Variants in USH2A observed in about 807,000 individuals in gnomAD.
USH2A encodes Usher syndrome 2A (autosomal recessive, mild).
In USH2A, 443 loss-of-function variants were observed where a neutral mutation model predicts 538.9. The observed-to-expected ratio is 0.82, with a 90% CI of 0.76 to 0.89. USH2A has a LOEUF of 0.89. USH2A is among the 40% of genes least tolerant of loss of function. The pLI is 0.00. For synonymous variants in USH2A, 2,413 were observed against 2,273.5 expected, an observed-to-expected ratio of 1.06 and a Z score of -1.75; for missense variants, 6,633 against 6,324.8, an observed-to-expected ratio of 1.05 and a Z score of -1.65.
At chr1:215,842,729 A>C (rs1663716941) in intron 46 of USH2A, among the ~76,000 whole-genome samples, 2 of 152,070 alleles carry the variant, frequency 1.3e-5, no homozygotes, top group South Asian at 4.2e-4. Context: ...CAAACATCAC[A>C]TGTTCTCACT....
intron 4 of USH2A, among the ~76,000 whole-genome samples, chr1:216,347,997 C>A (rs2038212279): frequency 6.6e-6 from 1 of 152,054 alleles, no homozygotes; most frequent in Non-Finnish European, 1.5e-5. Context: ...CTGAAGTAAT[C>A]TTTTAAAACT....
rs948035162 is a variant in USH2A at position 216,364,992 on chromosome 1, A to G, written c.745T>C (p.Phe249Leu). 1.9e-6 allele frequency: 3 copies of G among 1,613,646 alleles called. No individual in the cohort carries two copies. Among genetic ancestry groups the G allele is most frequent in the African/African-American group, 1.3e-5 (1 of 74,928 alleles). Residue 249 changes from phenylalanine (F) to leucine (L), a missense_variant, in exon 4 of 72, where the codon TTT (phenylalanine) becomes CTT (leucine). Phe to Leu is a conservative substitution (Grantham distance 22, BLOSUM62 0). Transcript: ENST00000307340. ...CCTATTTGCACAGTACCAGATGCAA[A>G]ATCTGTAATTGAACCACTTAGAGTT... ...ARTLSGSITDFASGTVQIGQS... is the reference protein window; with the variant it reads ...ARTLSGSITDLASGTVQIGQS...
intron 21 of USH2A, among the ~76,000 whole-genome samples, chr1:216,109,454 A>G (rs893869403): frequency 6.6e-6 from 1 of 152,178 alleles, no homozygotes; most frequent in Non-Finnish European, 1.5e-5. Flanking sequence ...TCTTCCTAAA[A>G]TTCAATTCAG....
chr1:216,240,735 G>C (rs570417224), intron 13 of USH2A, among the ~76,000 whole-genome samples: 98 of 152,110 alleles, frequency 6.4e-4, no homozygotes, highest in African/African-American at 2.3e-3. Context: ...TTCTTTTTCA[G>C]AAGCTACTAG....
intron 36 of USH2A, among the ~76,000 whole-genome samples, chr1:215,967,025 A>G (rs1464719074): frequency 6.6e-6 from 1 of 152,050 alleles, no homozygotes; most frequent in Non-Finnish European, 1.5e-5. Context: ...TTGTTTATCT[A>G]CCTTGCTGTA....
chr1:216,066,877 T>C (rs577256830), intron 30 of USH2A, among the ~76,000 whole-genome samples: 11 of 152,210 alleles, frequency 7.2e-5, no homozygotes, highest in Non-Finnish European at 1.6e-4. Context: ...GGAAGGTATA[T>C]AGCAGAGATT....
intron 37 of USH2A, among the ~76,000 whole-genome samples, chr1:215,943,510 A>G (rs1666687875): frequency 6.6e-6 from 1 of 152,132 alleles, no homozygotes; most frequent in Admixed American, 6.6e-5. Context: ...TAGAAACATA[A>G]CTTAATTTTC....
chr1:215,640,536 G>A (rs746779824), intron 68 of USH2A, 22 bp downstream of exon 68: 66 of 1,613,078 alleles, frequency 4.1e-5, no homozygotes, highest in Non-Finnish European at 5.4e-5. Flanking sequence ...TCCACACTGA[G>A]AAACAGGAGT....
At chr1:215,807,104 G>A (rs529195037) in intron 49 of USH2A, among the ~76,000 whole-genome samples, 52 of 152,172 alleles carry the variant, frequency 3.4e-4, no homozygotes, top group African/African-American at 1.2e-3. Context: ...TTAATAATAT[G>A]AAGTGAGAAA....
chr1:216,416,544 T>C (rs1252657013), intron 3 of USH2A, among the ~76,000 whole-genome samples: 1 of 152,172 alleles, frequency 6.6e-6, no homozygotes, highest in Non-Finnish European at 1.5e-5. Flanking sequence ...CATTAAATCA[T>C]AAGTACTTTA....
chr1:216,151,597 A>G (rs1400970118), intron 21 of USH2A, among the ~76,000 whole-genome samples: 1 of 152,090 alleles, frequency 6.6e-6, no homozygotes, highest in East Asian at 1.9e-4. Flanking sequence ...CATCACACAC[A>G]TATCACAAAC....
intron 32 of USH2A, among the ~76,000 whole-genome samples, chr1:216,003,622 T>C (rs1668324399): frequency 6.6e-6 from 1 of 152,018 alleles, no homozygotes; most frequent in Non-Finnish European, 1.5e-5. Flanking sequence ...TCTTGAGGAC[T>C]AGCAGGGAGG....
At chr1:215,714,204 A>G (rs181413266) in intron 61 of USH2A, among the ~76,000 whole-genome samples, 7 of 152,380 alleles carry the variant, frequency 4.6e-5, no homozygotes, top group African/African-American at 1.4e-4. Context: ...ACAATTTCTG[A>G]AATATGATTA....
rs1219865701 is a variant in USH2A, at chr1:216,030,464, CATATA to C, written c.6325+15962_6325+15966del. 2.4e-4 allele frequency among the ~76,000 whole-genome samples: 11 copies of C among 44,942 alleles called. No individual in the cohort carries two copies. The East Asian group carries it at 4.9e-3, about 20-fold the overall frequency. The allele number at this position is 44,942 out of a possible 152,430, so 29.5% of individuals were successfully genotyped here. A position where few individuals can be genotyped will look rare whatever the true frequency, so the allele number is the denominator to read the frequency against. ...ATGATATATAGATATATATCACAGA[CATATA>C]ATATATATGATATATAGATATATAT... On this transcript the variant is annotated intron_variant, in intron 32 of 71. Transcript: ENST00000307340.
At chr1:215,900,706 T>G in intron 39 of USH2A, 49 bp downstream of exon 39, 1 of 1,612,422 alleles carries the variant, frequency 6.2e-7, no homozygotes, top group Non-Finnish European at 8.5e-7. Context: ...AAATGTTATG[T>G]CTATATTGTA....
At chr1:216,242,141 G>A (rs2035950387) in intron 13 of USH2A, among the ~76,000 whole-genome samples, 1 of 151,604 alleles carries the variant, frequency 6.6e-6, no homozygotes, top group South Asian at 2.1e-4. Flanking sequence ...CACGAAGTCA[G>A]GAGATCGAGA....
At chr1:215,652,177 T>C (rs1019332175) in intron 64 of USH2A, among the ~76,000 whole-genome samples, 3 of 152,246 alleles carry the variant, frequency 2.0e-5, no homozygotes. Context: ...AATGTATTAC[T>C]AGTCCCCTTT....
intron 11 of USH2A, among the ~76,000 whole-genome samples, chr1:216,285,110 T>A (rs2036856098): frequency 6.6e-6 from 1 of 152,198 alleles, no homozygotes; most frequent in African/African-American, 2.4e-5. Context: ...GAAATTTGCA[T>A]AACTAACAAG....
At chr1:215,950,497 T>G (rs1429952479) in intron 37 of USH2A, among the ~76,000 whole-genome samples, 1 of 146,084 alleles carries the variant, frequency 6.8e-6, no homozygotes, top group African/African-American at 2.5e-5. Context: ...ACATTTATAA[T>G]TGCTACCTTT....
Sources: allele counts gnomAD v4.1 joint callset (sites outside exome capture counted in the v4.1 genomes callset), GRCh38; gene constraint gnomAD v4.1.1; transcripts MANE v1.5; gene names NCBI Gene and HGNC (gene_info 2026-07-23, HGNC 2026-07-21).